The following SUCLG2 variants were observed in gnomAD, a reference collection of about 807,000 sequenced individuals.
SUCLG2 encodes succinate-CoA ligase GDP-forming subunit beta, also known as succinate--CoA ligase [GDP-forming] subunit beta, mitochondrial.
Under a neutral mutation model 47.9 loss-of-function variants are expected in SUCLG2, and 42 were observed. The ratio of observed to expected loss-of-function variants is 0.88; its 90% CI spans 0.69 to 1.14. The LOEUF (loss-of-function observed/expected upper bound fraction) is 1.14. Ranked by LOEUF, SUCLG2 falls within the 50% of genes most tolerant of loss-of-function variation. The probability of loss-of-function intolerance (pLI) is 0.00; values close to 1 mark genes in which losing one functional copy is unlikely to be tolerated. For missense variants in SUCLG2, 571 were observed against 525.9 expected (o/e 1.09, Z -0.84); for synonymous variants, 195 against 197.3 (o/e 0.99, Z 0.10).
At chr3:67,506,453 T>C (rs1298915995) in intron 7 of SUCLG2, among the ~76,000 whole-genome samples, 1 of 152,088 alleles carries the variant, frequency 6.6e-6, no homozygotes, top group African/African-American at 2.4e-5. Flanking sequence ...TAATGAACTG[T>C]ATATAATGTT....
At chr3:67,592,398 G>C (rs749699143) in intron 2 of SUCLG2, among the ~76,000 whole-genome samples, 3 of 152,206 alleles carry the variant, frequency 2.0e-5, no homozygotes, top group Non-Finnish European at 4.4e-5. Context: ...GAAGGAAGAA[G>C]ATCTTATTGA....
At chr3:67,471,416 G>T (rs1704602481) in intron 9 of SUCLG2, among the ~76,000 whole-genome samples, 1 of 152,192 alleles carries the variant, frequency 6.6e-6, no homozygotes, top group African/African-American at 2.4e-5. Flanking sequence ...AATGACATTA[G>T]GACATCACAC....
intron 2 of SUCLG2, among the ~76,000 whole-genome samples, chr3:67,581,872 T>TATGCATTGTATGTATTATGTATTA (rs1468932479): frequency 1.3e-5 from 2 of 152,190 alleles, no homozygotes; most frequent in Non-Finnish European, 2.9e-5. Context: ...ACAATACAGT[T>TATGCATTGTATGTATTATGTATTA]AATCACCAGA....
chr3:67,466,841 T>C (rs1285466414), intron 9 of SUCLG2, among the ~76,000 whole-genome samples: 2 of 152,180 alleles, frequency 1.3e-5, no homozygotes, highest in African/African-American at 4.8e-5. Context: ...AGGTATGAAA[T>C]ATTACCAGCT....
intron 9 of SUCLG2, among the ~76,000 whole-genome samples, chr3:67,459,646 C>T (rs2106954788): frequency 6.6e-6 from 1 of 152,236 alleles, no homozygotes; most frequent in South Asian, 2.1e-4. Context: ...GCTCTTCGCA[C>T]CAAGACTAAA....
At chr3:67,428,680 C>T (rs954169975) in intron 9 of SUCLG2, among the ~76,000 whole-genome samples, 15 of 152,068 alleles carry the variant, frequency 9.9e-5, no homozygotes, top group Admixed American at 2.0e-4. Flanking sequence ...TCGAACCCAT[C>T]GCAAAGAAGC....
intron 1 of SUCLG2, among the ~76,000 whole-genome samples, chr3:67,645,838 T>C (rs936607634): frequency 4.0e-5 from 6 of 151,224 alleles, no homozygotes; most frequent in Non-Finnish European, 5.9e-5. Flanking sequence ...CTAACTCAAA[T>C]AAGTCCTTCA....
Position 67,400,750 on chromosome 3 carries a change from G to C in SUCLG2, c.1164C>G (p.Pro388=). 6.2e-7 allele frequency: 1 copy of C among 1,611,728 alleles called. No individual in the cohort carries two copies. Among genetic ancestry groups the C allele is most frequent in the Non-Finnish European group, 8.5e-7 (1 of 1,179,920 alleles). The change falls in exon 10 of 11, where the codon CCC becomes CCG. Residue 388 remains proline, a synonymous_variant. Coordinates refer to ENST00000307227, the MANE Select transcript of SUCLG2 (RefSeq NM_003848.4). ...KACRELELKV[P]LVVRLEGTNV... Reference sequence around the variant, plus strand: ...ACTCACCTTCAAGCCGGACCACCAGGGGCACCTTGAGTTCTAGCTCCCGGC... The same window carrying C: ...ACTCACCTTCAAGCCGGACCACCAGCGGCACCTTGAGTTCTAGCTCCCGGC...
chr3:67,412,499 T>A (rs1702951840), intron 9 of SUCLG2, among the ~76,000 whole-genome samples: 1 of 152,162 alleles, frequency 6.6e-6, no homozygotes, highest in South Asian at 2.1e-4. Flanking sequence ...CTCTTGGCCC[T>A]GGGAGGCTGA....
chr3:67,547,022 C>T (rs1479294480), intron 2 of SUCLG2, among the ~76,000 whole-genome samples: 4 of 152,228 alleles, frequency 2.6e-5, no homozygotes, highest in Admixed American at 2.6e-4. Context: ...TCTATACCCC[C>T]ACATTCTCTG....
chr3:67,476,285 T>C (rs953472562), intron 9 of SUCLG2, among the ~76,000 whole-genome samples: 7 of 151,986 alleles, frequency 4.6e-5, no homozygotes, highest in Non-Finnish European at 1.0e-4. Context: ...CTGCTCCCCA[T>C]GGCTCGCATT....
chr3:67,622,696 T>G (rs1700756112), intron 1 of SUCLG2, among the ~76,000 whole-genome samples: 1 of 152,142 alleles, frequency 6.6e-6, no homozygotes, highest in Non-Finnish European at 1.5e-5. Flanking sequence ...AAAATCTAAT[T>G]ACATTTAATA....
At chr3:67,626,041 G>T (rs1198449566) in intron 1 of SUCLG2, among the ~76,000 whole-genome samples, 1 of 148,338 alleles carries the variant, frequency 6.7e-6, no homozygotes. Context: ...TTTTTTTTGA[G>T]ATGAGTCTCG....
chr3:67,415,803 T>C (rs909918774), intron 9 of SUCLG2, among the ~76,000 whole-genome samples: 7 of 152,258 alleles, frequency 4.6e-5, no homozygotes, highest in African/African-American at 1.7e-4. Context: ...TAGAGCTTAA[T>C]CTTCCTCCTC....
chr3:67,555,204 C>G (rs1707125461), intron 2 of SUCLG2, among the ~76,000 whole-genome samples: 1 of 152,042 alleles, frequency 6.6e-6, no homozygotes, highest in East Asian at 1.9e-4. Context: ...TAGAAAGAAC[C>G]CTGAGATTTA....
At chr3:67,588,557 AC>A (rs1325137374) in intron 2 of SUCLG2, among the ~76,000 whole-genome samples, 1 of 152,224 alleles carries the variant, frequency 6.6e-6, no homozygotes, top group Non-Finnish European at 1.5e-5. Flanking sequence ...CACATTACTT[AC>A]ATTACTATAA....
At position 67,398,124 on chromosome 3, in the gene SUCLG2, T is replaced by A. The variant is rs975873661; in HGVS notation, c.1183+2607A>T. Among the ~76,000 whole-genome samples, 17 of 150,268 alleles carry A rather than the reference T, an allele frequency of 1.1e-4. 1 individual carries two copies. Among genetic ancestry groups the A allele is most frequent in the Admixed American group, 1.1e-3 (16 of 15,014 alleles). ...CATAGGCATGGACAAGGACTTCATG[T>A]GTAAAACACCAAAAGCAATGGCAAC... On this transcript the variant is annotated intron_variant, in intron 10 of 10. Coordinates refer to ENST00000307227, the MANE Select transcript of SUCLG2 (RefSeq NM_003848.4).
intron 2 of SUCLG2, among the ~76,000 whole-genome samples, chr3:67,545,708 C>T (rs1427049003): frequency 6.6e-6 from 1 of 151,118 alleles, no homozygotes; most frequent in Non-Finnish European, 1.5e-5. Context: ...CCTTCCCTGC[C>T]TCATGCTTTC....
rs1702033799 is a variant in SUCLG2 at position 67,376,216 on chromosome 3, T to C, written c.1184-357A>G. 5 of 985,334 alleles carry C rather than the reference T, an allele frequency of 5.1e-6. No homozygotes were observed. In the Admixed American group the frequency reaches 3.1e-4, roughly 61 times the overall value. 61.0% of individuals were successfully genotyped at this position (985,334 alleles called of 1,614,324 possible). On this transcript the variant is annotated intron_variant, in intron 10 of 10. Coordinates refer to ENST00000307227, the MANE Select transcript of SUCLG2 (RefSeq NM_003848.4). ...CTCAGACGTCATCAGGGGTTTGGGC[T>C]GTGACCTGATTTGAGAAAGGAAGTT...
Sources: allele counts gnomAD v4.1 joint callset (sites outside exome capture counted in the v4.1 genomes callset), GRCh38; gene constraint gnomAD v4.1.1; transcripts MANE v1.5; gene names NCBI Gene and HGNC (gene_info 2026-07-23, HGNC 2026-07-21).